Variants in EDA observed in about 807,000 individuals in gnomAD.
EDA encodes the protein ectodysplasin-A.
In EDA, 2 loss-of-function variants were observed where a neutral mutation model predicts 23.6. The ratio of observed to expected loss-of-function variants is 0.08; its 90% CI spans 0.03 to 0.27. EDA has a LOEUF of 0.27. Among genes scored for constraint, EDA ranks in the 10% least tolerant of loss-of-function variants. The probability of loss-of-function intolerance (pLI) is 1.00; values close to 1 mark genes in which losing one functional copy is unlikely to be tolerated. For missense variants in EDA, 229 were observed against 324.2 expected (o/e 0.71, Z 2.26); for synonymous variants, 131 against 132.0 (o/e 0.99, Z 0.05).
chrX:69,948,906 A>T (rs1488840743), intron 1 of EDA, among the ~76,000 whole-genome samples: 2 of 111,686 alleles, frequency 1.8e-5, no homozygotes, highest in African/African-American at 3.3e-5. Flanking sequence ...TAATCATTTT[A>T]TATCTATGAC....
At chrX:69,950,159 C>A (rs2018894399) in intron 1 of EDA, among the ~76,000 whole-genome samples, 1 of 76,677 alleles carries the variant, frequency 1.3e-5, no homozygotes, top group Non-Finnish European at 2.5e-5. Context: ...AGGCAACCTA[C>A]AAAATGGGAG....
intron 1 of EDA, among the ~76,000 whole-genome samples, chrX:69,923,925 A>T (rs1417290080): frequency 9.0e-6 from 1 of 111,621 alleles, no homozygotes; most frequent in Non-Finnish European, 1.9e-5. Flanking sequence ...ATTATCAGTG[A>T]TGTTGAGCTT....
intron 1 of EDA, among the ~76,000 whole-genome samples, chrX:69,757,250 T>C (rs2014150854): frequency 9.1e-6 from 1 of 109,943 alleles, no homozygotes; most frequent in Non-Finnish European, 1.9e-5. Context: ...AAGAAGAAAC[T>C]TAATAGTTAA....
intron 1 of EDA, among the ~76,000 whole-genome samples, chrX:69,636,432 A>C (rs1932775665): frequency 9.1e-6 from 1 of 110,204 alleles, no homozygotes; most frequent in South Asian, 3.9e-4. Context: ...CCAGTCTCAC[A>C]GTCTCAGGTA....
At chrX:70,033,600 T>A in intron 7 of EDA, 72 bp downstream of exon 7, 1 of 1,159,914 alleles carries the variant, frequency 8.6e-7, no homozygotes. Context: ...ATAGGGGCAC[T>A]GTGGAGCCAG....
intron 1 of EDA, among the ~76,000 whole-genome samples, chrX:69,844,041 A>C (rs2016956607): frequency 9.9e-6 from 1 of 101,347 alleles, no homozygotes; most frequent in Non-Finnish European, 2.0e-5. Context: ...AAAAAAAAAG[A>C]CTTCATTAAA....
Position 69,987,068 on chromosome X carries a change from G to C in EDA, c.502+29936G>C, listed in dbSNP as rs1313841140. The stretch of plus-strand genomic sequence containing the variant: ...ATATTCTCACTCATAGGTGGGAATT[G>C]AACAATGAGATCACATGGACACAGG... On this transcript the variant is annotated intron_variant, in intron 2 of 7. Coordinates refer to ENST00000374552, the MANE Select transcript of EDA (RefSeq NM_001399.5). 2.2e-4 allele frequency among the ~76,000 whole-genome samples: 17 copies of C among 77,808 alleles called. No individual in the cohort carries two copies. The East Asian group carries it at 5.4e-3, about 25-fold the overall frequency. 67.6% of individuals were successfully genotyped at this position (77,808 alleles called of 115,157 possible). A position where few individuals can be genotyped will look rare whatever the true frequency, so the allele number is the denominator to read the frequency against.
intron 1 of EDA, among the ~76,000 whole-genome samples, chrX:69,674,194 A>T (rs1348199374): frequency 9.0e-6 from 1 of 110,759 alleles, no homozygotes; most frequent in Non-Finnish European, 1.9e-5. Flanking sequence ...TTTCTCTGTT[A>T]CATATGTACC....
chrX:69,873,633 A>G (rs1295919156), intron 1 of EDA, among the ~76,000 whole-genome samples: 3 of 112,324 alleles, frequency 2.7e-5, no homozygotes, highest in African/African-American at 9.7e-5. Flanking sequence ...TGCATAAACT[A>G]GAAAACCTAG....
In EDA at chrX:69,936,434, A is replaced by G. The variant is rs752260564; in HGVS notation, c.397-20593A>G. On this transcript the variant is annotated intron_variant, in intron 1 of 7. Transcript: ENST00000374552. ...AGCAGCCTACACATGCCAATTAAAA[A>G]CTGACAGACACTAGATGTGCTTGGA... 1.1e-4 allele frequency among the ~76,000 whole-genome samples: 12 copies of G among 111,671 alleles called. 1 individual carries two copies. In the South Asian group the frequency reaches 4.1e-3, roughly 39 times the overall value.
At chrX:69,714,951 T>A (rs2012257805) in intron 1 of EDA, among the ~76,000 whole-genome samples, 1 of 111,024 alleles carries the variant, frequency 9.0e-6, no homozygotes, top group Non-Finnish European at 1.9e-5. Flanking sequence ...ATAGGAATTA[T>A]AGTAAACCTG....
chrX:69,688,907 C>T (rs1038776358), intron 1 of EDA, among the ~76,000 whole-genome samples: 5 of 112,188 alleles, frequency 4.5e-5, no homozygotes, highest in East Asian at 2.8e-4. Context: ...TTGTATGATA[C>T]GTGCTTTATT....
chrX:69,847,422 G>T (rs1034483356), intron 1 of EDA, among the ~76,000 whole-genome samples: 1 of 111,348 alleles, frequency 9.0e-6, no homozygotes, highest in Non-Finnish European at 1.9e-5. Flanking sequence ...ATACAGAGCA[G>T]TTCCATCACC....
chrX:69,957,289 C>G, intron 2 of EDA, 157 bp downstream of exon 2: 2 of 479,609 alleles, frequency 4.2e-6, no homozygotes, highest in Non-Finnish European at 7.3e-6. Context: ...GTGAGGAATT[C>G]AAAACCAGCC....
chrX:69,827,532 C>T (rs2016482683), intron 1 of EDA, among the ~76,000 whole-genome samples: 1 of 111,966 alleles, frequency 8.9e-6, no homozygotes, highest in Non-Finnish European at 1.9e-5. Flanking sequence ...AGTTCTCGAG[C>T]CTTGGTTTTC....
At chrX:69,942,347 C>T (rs907939948) in intron 1 of EDA, among the ~76,000 whole-genome samples, 1 of 111,497 alleles carries the variant, frequency 9.0e-6, no homozygotes, top group Non-Finnish European at 1.9e-5. Context: ...GATTGAAGTA[C>T]TCCCTTTAGC....
intron 2 of EDA, among the ~76,000 whole-genome samples, chrX:69,958,142 G>T (rs1174028663): frequency 9.0e-6 from 1 of 111,434 alleles, no homozygotes; most frequent in South Asian, 3.8e-4. Context: ...TCCTGGGCAG[G>T]GTCTTTGAAT....
intron 1 of EDA, among the ~76,000 whole-genome samples, chrX:69,623,549 A>T (rs1487562789): frequency 8.9e-6 from 1 of 111,738 alleles, no homozygotes; most frequent in Non-Finnish European, 1.9e-5. Context: ...AAACATTCAG[A>T]CCATAGCAAA....
At chrX:69,844,573 G>T (rs1569352921) in intron 1 of EDA, among the ~76,000 whole-genome samples, 1 of 112,461 alleles carries the variant, frequency 8.9e-6, no homozygotes, top group Non-Finnish European at 1.9e-5. Flanking sequence ...CCACCAAATT[G>T]TCACAAGCCT....
Sources: gnomAD v4.1 joint callset for allele counts (sites outside exome capture counted in the v4.1 genomes callset) on GRCh38, gnomAD v4.1.1 for gene constraint, MANE v1.5 for transcripts, NCBI Gene and HGNC (gene_info 2026-07-23, HGNC 2026-07-21) for gene names.